Variants in DCDC1 observed in about 807,000 individuals in gnomAD.
DCDC1 encodes doublecortin domain containing 1.
DCDC1 carries 200 observed loss-of-function variants against 178.3 expected under a neutral mutation model. The observed-to-expected ratio is 1.12, with a 90% CI of 1.00 to 1.26. The LOEUF (loss-of-function observed/expected upper bound fraction) is 1.26, where lower values mean the gene tolerates loss of function less well. DCDC1 is among the 50% of genes most tolerant of loss of function. The probability of loss-of-function intolerance (pLI) is 0.00; values close to 1 mark genes in which losing one functional copy is unlikely to be tolerated. For missense variants in DCDC1, 1,983 were observed against 1,749.2 expected, an observed-to-expected ratio of 1.13 and a Z score of -2.38; for synonymous variants, 690 against 604.8, an observed-to-expected ratio of 1.14 and a Z score of -2.07.
chr11:31,116,833 T>C (rs1960036721), intron 11 of DCDC1, among the ~76,000 whole-genome samples: 1 of 152,160 alleles, frequency 6.6e-6, no homozygotes, highest in South Asian at 2.1e-4. Flanking sequence ...TACATAATTC[T>C]TAAACTTCAT....
chr11:31,205,528 T>A (rs932149516), intron 9 of DCDC1, among the ~76,000 whole-genome samples: 1 of 152,224 alleles, frequency 6.6e-6, no homozygotes, highest in East Asian at 1.9e-4. Flanking sequence ...CTGCTTCTTT[T>A]AAGTACAATT....
intron 1 of DCDC1, among the ~76,000 whole-genome samples, chr11:31,359,024 G>A (rs576198387): frequency 6.6e-6 from 1 of 152,302 alleles, no homozygotes; most frequent in East Asian, 1.9e-4. Flanking sequence ...GAGTCAGTGT[G>A]GCGATTCCTC....
intron 7 of DCDC1, among the ~76,000 whole-genome samples, chr11:31,283,672 A>T (rs1261308450): frequency 6.6e-6 from 1 of 151,978 alleles, no homozygotes; most frequent in Non-Finnish European, 1.5e-5. Flanking sequence ...ATGTCTCCTT[A>T]CCCTGCACAT....
intron 9 of DCDC1, among the ~76,000 whole-genome samples, chr11:31,195,513 T>C (rs1383720742): frequency 6.6e-6 from 1 of 152,060 alleles, no homozygotes; most frequent in East Asian, 1.9e-4. Context: ...CGGAGAGATA[T>C]AATTTGGCTT....
chr11:31,014,411 T>G (rs1235574125), intron 20 of DCDC1, among the ~76,000 whole-genome samples: 2 of 152,034 alleles, frequency 1.3e-5, no homozygotes, highest in African/African-American at 4.8e-5. Flanking sequence ...AACTTGGAAG[T>G]GGATTCTCCA....
Position 31,306,117 on chromosome 11 carries a change from C to T in DCDC1, c.591+115G>A, listed in dbSNP as rs202036183. The T allele has an allele frequency of 1.8e-4, 188 of 1,035,384 alleles. 1 individual carries two copies. The East Asian group carries it at 5.0e-3, about 27-fold the overall frequency. 64.1% of individuals were successfully genotyped at this position (1,035,384 alleles called of 1,614,324 possible). On this transcript the variant is annotated intron_variant, in intron 5 of 38. Coordinates refer to ENST00000684477, the MANE Select transcript of DCDC1 (RefSeq NM_001387274.1). ...TGAAATCTACGTATATATAAGCAAT[C>T]GGTAGATTCAGATTCTCAAAAAGAA...
Position 30,922,617 on chromosome 11 carries a change from G to A in DCDC1, c.3019C>T (p.Leu1007Phe). Residue 1007 changes from leucine (L) to phenylalanine (F), a missense_variant, in exon 24 of 39, where the codon CTC (leucine) becomes TTC (phenylalanine). Physicochemically the swap from Leu to Phe is conservative, Grantham distance 22 (BLOSUM62 0). Coordinates refer to ENST00000684477, the MANE Select transcript of DCDC1 (RefSeq NM_001387274.1). ...ATGGACAGGTCAGGATTGATCCAGA[G>A]TTCTCCACATGAAACATACACCTAT... Reference protein sequence around the residue: ...DELVYVSCGELWINPDLSIAQ... With the variant: ...DELVYVSCGEFWINPDLSIAQ... The A allele has an allele frequency of 6.4e-7, 1 of 1,561,194 alleles. No homozygotes were observed. The highest frequency in any genetic ancestry group is 1.2e-5 in the South Asian group (1 of 81,220).
intron 9 of DCDC1, among the ~76,000 whole-genome samples, chr11:31,230,208 GA>G (rs1053608344): frequency 2.0e-5 from 3 of 151,824 alleles, no homozygotes; most frequent in African/African-American, 7.3e-5. Context: ...TATATACTAA[GA>G]ATGAGAAATC....
rs529997016 is a variant in DCDC1, at chr11:30,911,096, T to C, written c.3747+231A>G. Among the ~76,000 whole-genome samples, 12 of 152,262 alleles carry C rather than the reference T, an allele frequency of 7.9e-5. No homozygotes were observed. In the South Asian group the frequency reaches 2.3e-3, roughly 29 times the overall value. On this transcript the variant is annotated intron_variant, in intron 28 of 38. Transcript: ENST00000684477. ...TTGGGTTTGATTTCAGTAACTAGCATAGTGCCTGACATGCAGCAAGCCCAC... is the reference window on the plus strand; with the variant it reads ...TTGGGTTTGATTTCAGTAACTAGCACAGTGCCTGACATGCAGCAAGCCCAC...
intron 2 of DCDC1, among the ~76,000 whole-genome samples, chr11:31,330,709 G>C (rs1949929773): frequency 6.6e-6 from 1 of 152,166 alleles, no homozygotes; most frequent in Non-Finnish European, 1.5e-5. Context: ...GAGGGCTGTA[G>C]ATGTACAGTG....
At chr11:31,172,883 C>T (rs1215242242) in intron 9 of DCDC1, among the ~76,000 whole-genome samples, 3 of 152,068 alleles carry the variant, frequency 2.0e-5, no homozygotes, top group South Asian at 4.1e-4. Flanking sequence ...CAGTTCAAAC[C>T]CATGTTCAAG....
At chr11:31,306,874 T>G (rs1948496617) in intron 4 of DCDC1, among the ~76,000 whole-genome samples, 1 of 152,096 alleles carries the variant, frequency 6.6e-6, no homozygotes. Context: ...GATTTTAAAA[T>G]TTTGATTCCA....
intron 8 of DCDC1, among the ~76,000 whole-genome samples, chr11:31,249,458 A>T (rs552705406): frequency 6.6e-6 from 1 of 152,296 alleles, no homozygotes; most frequent in Non-Finnish European, 1.5e-5. Flanking sequence ...GTGGTTACTT[A>T]ACCACATTCT....
chr11:30,900,800 AAATC>A (rs1307757997), intron 32 of DCDC1, among the ~76,000 whole-genome samples: 1 of 152,044 alleles, frequency 6.6e-6, no homozygotes, highest in Non-Finnish European at 1.5e-5. Context: ...AGAGATAAAA[AAATC>A]AAGCACAGGG....
intron 9 of DCDC1, among the ~76,000 whole-genome samples, chr11:31,154,807 T>C (rs1424688028): frequency 1.3e-5 from 2 of 152,202 alleles, no homozygotes; most frequent in Non-Finnish European, 2.9e-5. Context: ...AAGGGAACCC[T>C]GGCACTGGAT....
chr11:31,019,975 C>T (rs924412572), intron 20 of DCDC1, among the ~76,000 whole-genome samples: 3 of 152,124 alleles, frequency 2.0e-5, no homozygotes, highest in Admixed American at 6.5e-5. Context: ...TATAACGCAC[C>T]TCATTCCTCT....
At chr11:31,035,048 G>C (rs564100380) in intron 20 of DCDC1, among the ~76,000 whole-genome samples, 1 of 152,240 alleles carries the variant, frequency 6.6e-6, no homozygotes, top group Admixed American at 6.5e-5. Context: ...GCAGATTCTA[G>C]TTTTTGTGAT....
chr11:31,158,112 T>C (rs529853974), intron 9 of DCDC1, among the ~76,000 whole-genome samples: 2 of 152,092 alleles, frequency 1.3e-5, no homozygotes, highest in African/African-American at 2.4e-5. Context: ...TATTTTATTA[T>C]ATTTTTTTGT....
chr11:31,245,142 T>C (rs1471958544), intron 8 of DCDC1, among the ~76,000 whole-genome samples: 1 of 151,606 alleles, frequency 6.6e-6, no homozygotes, highest in Non-Finnish European at 1.5e-5. Context: ...ATATCCTAAA[T>C]GATTTAGGTA....
Sources: allele counts gnomAD v4.1 joint callset (sites outside exome capture counted in the v4.1 genomes callset), GRCh38; gene constraint gnomAD v4.1.1; transcripts MANE v1.5; gene names NCBI Gene and HGNC (gene_info 2026-07-23, HGNC 2026-07-21).